The following EPHB1 variants were observed in gnomAD, a reference collection of about 807,000 sequenced individuals.
EPHB1 encodes the protein EPH receptor B1.
A neutral mutation model predicts 94.4 loss-of-function variants in EPHB1; 30 were observed. That is an observed-to-expected ratio of 0.32 (90% CI 0.24 to 0.43). The LOEUF (loss-of-function observed/expected upper bound fraction) is 0.43, where lower values mean the gene tolerates loss of function less well. Among genes scored for constraint, EPHB1 ranks in the 20% least tolerant of loss-of-function variants. The pLI, the probability that EPHB1 is intolerant of heterozygous loss-of-function variation, is 1.00. For missense variants in EPHB1, 1,055 were observed against 1,308.3 expected, an observed-to-expected ratio of 0.81 and a Z score of 2.99; for synonymous variants, 522 against 489.1, an observed-to-expected ratio of 1.07 and a Z score of -0.89.
At chr3:135,019,624 G>A (rs904883687) in intron 3 of EPHB1, among the ~76,000 whole-genome samples, 1 of 152,172 alleles carries the variant, frequency 6.6e-6, no homozygotes, top group African/African-American at 2.4e-5. Context: ...AGCATTGTGT[G>A]TGTATGGGAT....
Position 135,228,195 on chromosome 3 carries a change from T to A in EPHB1, c.2347-12953T>A, listed in dbSNP as rs1376763555. On this transcript the variant is annotated intron_variant, in intron 12 of 15. Transcript: ENST00000398015. ...GCATTTAGTTATCATGTTCATTTAA[T>A]ATCTTTTAATCAGGAAAATTTTCAC... Among the ~76,000 whole-genome samples the A allele has an allele frequency of 2.6e-5, 4 of 152,236 alleles. No homozygotes were observed. In the South Asian group the frequency reaches 6.2e-4, roughly 24 times the overall value.
intron 12 of EPHB1, among the ~76,000 whole-genome samples, chr3:135,230,558 G>A (rs556861245): frequency 6.6e-6 from 1 of 152,220 alleles, no homozygotes; most frequent in East Asian, 1.9e-4. Flanking sequence ...ATTTTTATTA[G>A]CAAGATCTAA....
intron 1 of EPHB1, among the ~76,000 whole-genome samples, chr3:134,842,169 A>C (rs1029684238): frequency 1.3e-5 from 2 of 152,208 alleles, no homozygotes; most frequent in African/African-American, 2.4e-5. Context: ...TCCTTCCACC[A>C]TATGAGGACA....
At chr3:135,086,781 C>G (rs987915176) in intron 3 of EPHB1, among the ~76,000 whole-genome samples, 1 of 152,078 alleles carries the variant, frequency 6.6e-6, no homozygotes, top group African/African-American at 2.4e-5. Context: ...GGTTCTTCCA[C>G]TGAGTTTTGT....
At chr3:135,150,404 C>T (rs1941156823) in intron 5 of EPHB1, among the ~76,000 whole-genome samples, 1 of 152,204 alleles carries the variant, frequency 6.6e-6, no homozygotes, top group Admixed American at 6.5e-5. Context: ...CAGAAAACTG[C>T]CTCGCCTTCC....
chr3:135,014,285 AT>A (rs1301275112), intron 3 of EPHB1, among the ~76,000 whole-genome samples: 3 of 152,326 alleles, frequency 2.0e-5, no homozygotes, highest in African/African-American at 7.2e-5. Context: ...GCCATCCAGA[AT>A]GTCCAGCCAG....
At chr3:135,231,968 G>C (rs1391520583) in intron 12 of EPHB1, among the ~76,000 whole-genome samples, 1 of 152,160 alleles carries the variant, frequency 6.6e-6, no homozygotes, top group Non-Finnish European at 1.5e-5. Context: ...AGCAGGGCCA[G>C]ATGAACTCTT....
rs762837333 is a variant in EPHB1 at position 135,106,621 on chromosome 3, G to C, written c.961+18G>C. On this transcript the variant is annotated intron_variant, in intron 4 of 15. Transcript: ENST00000398015. ...ATGCACTAGTAAGTGTCTAGTAATG[G>C]CTCTGGGCTGGGGAGTTTGGTTCCC... 2 of 1,613,016 alleles carry C rather than the reference G, an allele frequency of 1.2e-6. No individual in the cohort carries two copies. The highest frequency in any genetic ancestry group is 2.7e-5 in the African/African-American group (2 of 74,912).
intron 3 of EPHB1, among the ~76,000 whole-genome samples, chr3:135,013,358 T>C (rs1576316637): frequency 6.6e-6 from 1 of 152,168 alleles, no homozygotes; most frequent in East Asian, 1.9e-4. Context: ...TCAGGACAGC[T>C]GTAGAGTCAT....
intron 12 of EPHB1, among the ~76,000 whole-genome samples, chr3:135,215,168 C>CA (rs1364262206): frequency 1.6e-4 from 23 of 145,072 alleles, no homozygotes; most frequent in African/African-American, 5.5e-4. Flanking sequence ...TTTCTTTTTT[C>CA]TTTTTTTTTT....
At chr3:135,102,388 A>G (rs1939064209) in intron 3 of EPHB1, among the ~76,000 whole-genome samples, 1 of 152,160 alleles carries the variant, frequency 6.6e-6, no homozygotes, top group Non-Finnish European at 1.5e-5. Context: ...CAGAAGCTTT[A>G]TTTATCAACC....
intron 3 of EPHB1, among the ~76,000 whole-genome samples, chr3:135,059,203 C>G (rs1455448836): frequency 6.6e-6 from 1 of 152,168 alleles, no homozygotes; most frequent in Non-Finnish European, 1.5e-5. Context: ...AACAAGTTTA[C>G]TTCTGAAGTA....
At chr3:134,870,758 G>A (rs2037482824) in intron 1 of EPHB1, among the ~76,000 whole-genome samples, 1 of 152,214 alleles carries the variant, frequency 6.6e-6, no homozygotes, top group African/African-American at 2.4e-5. Flanking sequence ...GTGTTGTGAG[G>A]GTTAAACGAA....
rs750194923 is a variant in EPHB1 at position 134,795,670 on chromosome 3, C to G, written c.39C>G (p.Ser13=). ...ATCTACTACTGCTCCTCCTGGCATCCGCAGTGGCTGCGATGGAAGGTAACG... is the reference window on the plus strand; with the variant it reads ...ATCTACTACTGCTCCTCCTGGCATCGGCAGTGGCTGCGATGGAAGGTAACG... ...LDYLLLLLLA[S]AVAAMEETLM... is the part of the protein sequence containing the mutation. Residue 13 remains serine (S), a synonymous_variant, in exon 1 of 16, where the codon TCC becomes TCG. Transcript: ENST00000398015. 5 of 1,609,774 alleles carry G rather than the reference C, an allele frequency of 3.1e-6. No individual in the cohort carries two copies. In the South Asian group the frequency reaches 3.3e-5, roughly 11 times the overall value.
At chr3:134,934,119 A>G (rs988633088) in intron 2 of EPHB1, among the ~76,000 whole-genome samples, 13 of 152,146 alleles carry the variant, frequency 8.5e-5, no homozygotes, top group Non-Finnish European at 2.9e-5. Context: ...TAATTAGGAA[A>G]CATTAGCAGG....
At chr3:134,911,797 T>C (rs951853440) in intron 1 of EPHB1, among the ~76,000 whole-genome samples, 1 of 152,116 alleles carries the variant, frequency 6.6e-6, no homozygotes. Flanking sequence ...CAGGAGAACT[T>C]GAGAGCCTTC....
chr3:134,968,606 ACTT>A (rs757969335), intron 3 of EPHB1, among the ~76,000 whole-genome samples: 3 of 152,182 alleles, frequency 2.0e-5, no homozygotes, highest in Admixed American at 6.5e-5. Flanking sequence ...AGAAAATTTG[ACTT>A]CTTAACTTAT....
At chr3:135,195,483 C>A in intron 11 of EPHB1, among the ~76,000 whole-genome samples, 1 of 151,204 alleles carries the variant, frequency 6.6e-6, no homozygotes, top group Non-Finnish European at 1.5e-5. Flanking sequence ...ATCCCTCCCC[C>A]ATCTCCCCAC....
At chr3:135,096,291 C>T (rs1470251983) in intron 3 of EPHB1, among the ~76,000 whole-genome samples, 1 of 152,218 alleles carries the variant, frequency 6.6e-6, no homozygotes, top group Non-Finnish European at 1.5e-5. Flanking sequence ...GTTTAAATAA[C>T]TTGCTTAAGA....
Sources: allele counts gnomAD v4.1 joint callset (sites outside exome capture counted in the v4.1 genomes callset), GRCh38; gene constraint gnomAD v4.1.1; transcripts MANE v1.5; gene names NCBI Gene and HGNC (gene_info 2026-07-23, HGNC 2026-07-21).